The following RALY variants were observed in gnomAD, a reference collection of about 807,000 sequenced individuals.
RALY encodes the protein RALY heterogeneous nuclear ribonucleoprotein, also known as RNA-binding protein Raly.
Under a neutral mutation model 30.7 loss-of-function variants are expected in RALY, and 15 were observed. That is an observed-to-expected ratio of 0.49 (90% CI 0.33 to 0.75). The LOEUF is 0.75. RALY is among the 30% of genes least tolerant of loss of function. The probability of loss-of-function intolerance (pLI) is 0.02; values close to 1 mark genes in which losing one functional copy is unlikely to be tolerated. For missense variants in RALY, 339 were observed against 414.3 expected (o/e 0.82, Z 1.58); for synonymous variants, 177 against 170.8 (o/e 1.04, Z -0.28).
At chr20:34,019,045 G>A (rs1301278510) in intron 1 of RALY, among the ~76,000 whole-genome samples, 11 of 152,132 alleles carry the variant, frequency 7.2e-5, no homozygotes, top group African/African-American at 1.9e-4. Flanking sequence ...TCCCTCGGCC[G>A]GGCGCAGTGG....
intron 2 of RALY, among the ~76,000 whole-genome samples, chr20:34,040,330 G>A (rs1397764883): frequency 1.3e-5 from 2 of 152,142 alleles, no homozygotes; most frequent in African/African-American, 4.8e-5. Context: ...GGAACTGAAA[G>A]CATGTCAGCT....
rs201931011 is a variant in RALY at position 34,025,293 on chromosome 20, GTC to G, written c.-92-6213_-92-6212del. On this transcript the variant is annotated intron_variant, in intron 1 of 9. Transcript: ENST00000246194. ...GAGGAAGATAACCCTTCAGCAACAC[GTC>G]TCTCTCTCTCTCTCTTTTTTTTTTT... Among the ~76,000 whole-genome samples, 396 of 147,566 alleles carry G rather than the reference GTC, an allele frequency of 2.7e-3. 7 individuals carry two copies. Among genetic ancestry groups the G allele is most frequent in the African/African-American group, 4.0e-3 (160 of 40,052 alleles).
chr20:34,014,869 T>C (rs956741719), intron 1 of RALY: 11 of 152,204 alleles, frequency 7.2e-5, no homozygotes, highest in African/African-American at 2.4e-4. Context: ...TCTTGAGATA[T>C]CAGTGGAAAG....
At chr20:34,025,909 T>TTG (rs1205210331) in intron 1 of RALY, among the ~76,000 whole-genome samples, 5 of 148,884 alleles carry the variant, frequency 3.4e-5, no homozygotes, top group East Asian at 2.0e-4. Flanking sequence ...GTTTTTTTTT[T>TTG]TTTTTTTTTT....
chr20:34,006,760 A>G (rs1161669396), intron 1 of RALY, among the ~76,000 whole-genome samples: 3 of 152,184 alleles, frequency 2.0e-5, no homozygotes, highest in African/African-American at 4.8e-5. Context: ...TATACAGCCT[A>G]TGCTATATAG....
rs180950476 is a variant in RALY, at chr20:34,050,620, C to T, written c.-10+19016C>T. 2.0e-5 allele frequency among the ~76,000 whole-genome samples: 3 copies of T among 152,306 alleles called. No homozygotes were observed. The East Asian group carries it at 5.8e-4, about 29-fold the overall frequency. On this transcript the variant is annotated intron_variant, in intron 2 of 9. Transcript: ENST00000246194. ...AGGCCCTTGTCAGGGTAGTCTCTAT[C>T]TGAGAGTGTAGCTGGTCAGCCTGGT...
chr20:34,029,544 G>GA (rs11167224), intron 1 of RALY, among the ~76,000 whole-genome samples: 1 of 134,982 alleles, frequency 7.4e-6, no homozygotes, highest in Admixed American at 7.5e-5. Context: ...TAGAGGGGGA[G>GA]AAAAAAAAAA....
intron 1 of RALY, among the ~76,000 whole-genome samples, chr20:34,027,371 G>A (rs556660892): frequency 6.6e-6 from 1 of 152,116 alleles, no homozygotes; most frequent in South Asian, 2.1e-4. Context: ...ACTTCACAGG[G>A]TATCATAAGG....
At chr20:34,026,085 G>C (rs916856210) in intron 1 of RALY, among the ~76,000 whole-genome samples, 1 of 152,034 alleles carries the variant, frequency 6.6e-6, no homozygotes, top group Non-Finnish European at 1.5e-5. Context: ...GCTGTGACAA[G>C]AGGAAGAACC....
intron 2 of RALY, among the ~76,000 whole-genome samples, chr20:34,044,039 C>T (rs1265120004): frequency 6.6e-6 from 1 of 151,886 alleles, no homozygotes; most frequent in Non-Finnish European, 1.5e-5. Context: ...GAGACTGTAA[C>T]TTCCAAGCAG....
chr20:34,079,116 G>A (rs565157134), intron 9 of RALY, among the ~76,000 whole-genome samples: 15 of 152,302 alleles, frequency 9.8e-5, no homozygotes, highest in East Asian at 7.7e-4. Flanking sequence ...GTGAAGGGCC[G>A]TATGTGTCAG....
intron 2 of RALY, among the ~76,000 whole-genome samples, chr20:34,051,052 A>G (rs1455272864): frequency 6.6e-6 from 1 of 152,230 alleles, no homozygotes; most frequent in Non-Finnish European, 1.5e-5. Context: ...GAACCTTGCA[A>G]GAACAAACAG....
chr20:34,007,342 A>G (rs1045689984), intron 1 of RALY, among the ~76,000 whole-genome samples: 2 of 152,070 alleles, frequency 1.3e-5, no homozygotes, highest in Non-Finnish European at 2.9e-5. Context: ...CAACATGGTG[A>G]AAGTCCGTCT....
At chr20:34,072,954 GT>G (rs2033771599) in intron 3 of RALY, among the ~76,000 whole-genome samples, 1 of 148,948 alleles carries the variant, frequency 6.7e-6, no homozygotes, top group African/African-American at 2.6e-5. Flanking sequence ...GTGTGTGTGT[GT>G]GTGTGAGAGA....
intron 1 of RALY, among the ~76,000 whole-genome samples, chr20:34,026,768 T>A (rs1398636897): frequency 6.6e-6 from 1 of 152,082 alleles, no homozygotes; most frequent in Non-Finnish European, 1.5e-5. Context: ...GCCTTTGCAC[T>A]CCTTACATCT....
chr20:34,023,632 A>C (rs1601427133), intron 1 of RALY, among the ~76,000 whole-genome samples: 1 of 152,004 alleles, frequency 6.6e-6, no homozygotes. Context: ...TCTCATGTGG[A>C]GCTAACCCCA....
intron 1 of RALY, among the ~76,000 whole-genome samples, chr20:34,008,545 C>T (rs1003434022): frequency 3.3e-5 from 5 of 152,236 alleles, no homozygotes; most frequent in African/African-American, 4.8e-5. Flanking sequence ...ACTCTTAAAT[C>T]CTTTCTGTTC....
intron 1 of RALY, among the ~76,000 whole-genome samples, chr20:33,996,789 CCCT>C (rs1300726746): frequency 9.9e-5 from 15 of 152,150 alleles, no homozygotes; most frequent in Admixed American, 9.8e-4. Context: ...ACTCCCCCTT[CCCT>C]CCTCCCTCCA....
At chr20:34,029,059 A>C (rs1429276978) in intron 1 of RALY, among the ~76,000 whole-genome samples, 1 of 152,174 alleles carries the variant, frequency 6.6e-6, no homozygotes. Flanking sequence ...AGTGAAACAG[A>C]GACCAGGGAA....
Sources: allele counts gnomAD v4.1 joint callset (sites outside exome capture counted in the v4.1 genomes callset), GRCh38; gene constraint gnomAD v4.1.1; transcripts MANE v1.5; gene names NCBI Gene and HGNC (gene_info 2026-07-23, HGNC 2026-07-21).